CNTN5: variants seen among roughly 807,000 people sequenced by gnomAD.
CNTN5 encodes contactin 5.
CNTN5 carries 77 observed loss-of-function variants against 129.1 expected under a neutral mutation model. That is an observed-to-expected ratio of 0.60 (90% CI 0.50 to 0.72). The LOEUF is 0.72. CNTN5 is among the 30% of genes least tolerant of loss of function. The probability of loss-of-function intolerance (pLI) is 0.00; values close to 1 mark genes in which losing one functional copy is unlikely to be tolerated. For missense variants in CNTN5, 1,478 were observed against 1,328.8 expected, an observed-to-expected ratio of 1.11 and a Z score of -1.75; for synonymous variants, 509 against 465.6, an observed-to-expected ratio of 1.09 and a Z score of -1.20.
At chr11:99,555,524 T>C (rs1338057523) in intron 2 of CNTN5, among the ~76,000 whole-genome samples, 2 of 151,954 alleles carry the variant, frequency 1.3e-5, no homozygotes, top group Admixed American at 1.3e-4. Context: ...ACAAAAACAT[T>C]AAATATTCAT....
At chr11:99,472,127 C>T (rs544506492) in intron 2 of CNTN5, among the ~76,000 whole-genome samples, 104 of 152,140 alleles carry the variant, frequency 6.8e-4, no homozygotes, top group South Asian at 4.1e-4. Flanking sequence ...CGCTACTTCC[C>T]GATGATTTCC....
At chr11:99,026,268 T>C (rs1863103164) in intron 1 of CNTN5, among the ~76,000 whole-genome samples, 1 of 151,630 alleles carries the variant, frequency 6.6e-6, no homozygotes, top group East Asian at 1.9e-4. Context: ...GTATTTTGCC[T>C]TATTTTGTTA....
intron 21 of CNTN5, among the ~76,000 whole-genome samples, chr11:100,314,948 T>G (rs760781552): frequency 6.6e-6 from 1 of 152,202 alleles, no homozygotes; most frequent in Non-Finnish European, 1.5e-5. Context: ...ATACCTGCTA[T>G]GTTTTGATGC....
chr11:100,106,955 A>G (rs1945459535), intron 13 of CNTN5, among the ~76,000 whole-genome samples: 1 of 152,180 alleles, frequency 6.6e-6, no homozygotes, highest in Non-Finnish European at 1.5e-5. Context: ...TCTATAAGGC[A>G]GTCAACTTTT....
At chr11:100,159,254 A>T (rs1168536479) in intron 13 of CNTN5, among the ~76,000 whole-genome samples, 2 of 151,902 alleles carry the variant, frequency 1.3e-5, no homozygotes, top group African/African-American at 4.8e-5. Context: ...GTGGGCCATA[A>T]AAAAAGTGTA....
chr11:100,087,393 T>C (rs560380179), intron 13 of CNTN5, among the ~76,000 whole-genome samples: 6 of 151,854 alleles, frequency 4.0e-5, no homozygotes, highest in African/African-American at 9.6e-5. Flanking sequence ...TAGAAATTTC[T>C]ACCAAAAAAA....
intron 3 of CNTN5, among the ~76,000 whole-genome samples, chr11:99,767,091 G>A (rs938306227): frequency 4.6e-5 from 7 of 152,154 alleles, no homozygotes; most frequent in East Asian, 3.9e-4. Flanking sequence ...TATCTGTGCC[G>A]TGGGACAAAA....
At chr11:99,841,499 C>G (rs1947489269) in intron 4 of CNTN5, among the ~76,000 whole-genome samples, 1 of 151,642 alleles carries the variant, frequency 6.6e-6, no homozygotes, top group African/African-American at 2.4e-5. Context: ...TGATACTGAG[C>G]TGAGATAATT....
chr11:99,722,786 C>G (rs1377418655), intron 3 of CNTN5, among the ~76,000 whole-genome samples: 10 of 151,818 alleles, frequency 6.6e-5, no homozygotes, highest in Admixed American at 6.6e-4. Context: ...ACAACTCTCC[C>G]CATATGGGGA....
rs1042510629 is a variant in CNTN5 at position 99,444,023 on chromosome 11, C to A, written c.-70-112122C>A. 7.9e-5 allele frequency among the ~76,000 whole-genome samples: 12 copies of A among 152,040 alleles called. 1 individual carries two copies. Among genetic ancestry groups the A allele is most frequent in the East Asian group, 1.9e-4 (1 of 5,172 alleles). ...GACCAGCCTGGCCAACATGGTGAAA[C>A]CCTGTCACTACTAAAAATACAAAAA... On this transcript the variant is annotated intron_variant, in intron 2 of 24. Coordinates refer to ENST00000524871, the MANE Select transcript of CNTN5 (RefSeq NM_014361.4).
At chr11:100,317,409 G>T (rs889751902) in intron 21 of CNTN5, among the ~76,000 whole-genome samples, 1 of 152,060 alleles carries the variant, frequency 6.6e-6, no homozygotes, top group African/African-American at 2.4e-5. Context: ...ATGCTGTGTG[G>T]GTAGCCGCCA....
At chr11:99,471,744 T>C (rs1024392158) in intron 2 of CNTN5, among the ~76,000 whole-genome samples, 4 of 152,134 alleles carry the variant, frequency 2.6e-5, no homozygotes, top group African/African-American at 9.7e-5. Flanking sequence ...TAATAAGTTT[T>C]GTGTTCTTCA....
intron 1 of CNTN5, among the ~76,000 whole-genome samples, chr11:99,302,629 C>A (rs1864694325): frequency 6.6e-6 from 1 of 151,620 alleles, no homozygotes. Flanking sequence ...AAATAATTGT[C>A]TTTTCTGTAT....
At chr11:99,931,340 A>G (rs1950187656) in intron 7 of CNTN5, among the ~76,000 whole-genome samples, 1 of 152,234 alleles carries the variant, frequency 6.6e-6, no homozygotes, top group African/African-American at 2.4e-5. Flanking sequence ...AAACTAAACT[A>G]TCACAAAGCA....
At chr11:99,517,500 A>G (rs1045260834) in intron 2 of CNTN5, among the ~76,000 whole-genome samples, 1 of 152,102 alleles carries the variant, frequency 6.6e-6, no homozygotes, top group Non-Finnish European at 1.5e-5. Flanking sequence ...CTCATCACTT[A>G]AGGTTTATAT....
At chr11:100,122,330 G>C (rs1283956219) in intron 13 of CNTN5, among the ~76,000 whole-genome samples, 1 of 151,996 alleles carries the variant, frequency 6.6e-6, no homozygotes, top group Non-Finnish European at 1.5e-5. Flanking sequence ...TTGAGAGAGA[G>C]AGGCCAATTC....
chr11:99,556,919 C>T (rs1948693552), intron 3 of CNTN5, among the ~76,000 whole-genome samples: 1 of 150,946 alleles, frequency 6.6e-6, no homozygotes, highest in Admixed American at 6.6e-5. Context: ...ATCATAATGC[C>T]TAAAGTTAAT....
intron 9 of CNTN5, among the ~76,000 whole-genome samples, chr11:100,053,855 T>A (rs1943085719): frequency 6.6e-6 from 1 of 151,780 alleles, no homozygotes; most frequent in Non-Finnish European, 1.5e-5. Context: ...CATATCCATA[T>A]ATCGATATAC....
At chr11:100,355,973 G>A in intron 24 of CNTN5, 144 bp from the exon 25 acceptor site, 1 of 616,748 alleles carries the variant, frequency 1.6e-6, no homozygotes. Flanking sequence ...CTCAGATAAT[G>A]TCTGATTTTA....
Sources: gnomAD v4.1 joint callset for allele counts (sites outside exome capture counted in the v4.1 genomes callset) on GRCh38, gnomAD v4.1.1 for gene constraint, MANE v1.5 for transcripts, NCBI Gene and HGNC (gene_info 2026-07-23, HGNC 2026-07-21) for gene names.